CLDN10: variants seen among roughly 807,000 people sequenced by gnomAD.
CLDN10 encodes the protein claudin-10.
A neutral mutation model predicts 22.9 loss-of-function variants in CLDN10; 15 were observed. That is an observed-to-expected ratio of 0.65 (90% CI 0.44 to 1.01). The LOEUF (loss-of-function observed/expected upper bound fraction) is 1.01, where lower values mean the gene tolerates loss of function less well. Among genes scored for constraint, CLDN10 ranks in the 50% least tolerant of loss-of-function variants. The pLI, the probability that CLDN10 is intolerant of heterozygous loss-of-function variation, is 0.00. For missense variants in CLDN10, 247 were observed against 287.8 expected (o/e 0.86, Z 1.03); for synonymous variants, 114 against 111.4 (o/e 1.02, Z -0.15).
rs1367769895 is a variant in CLDN10 at position 95,579,490 on chromosome 13, A to C, written c.*1476A>C. ...GAAATGAAAACAGAGAGCTTAAATAATTTGCCACAGTAATGTCGAAACTAG... is the reference window on the plus strand; with the variant it reads ...GAAATGAAAACAGAGAGCTTAAATACTTTGCCACAGTAATGTCGAAACTAG... On this transcript the variant is annotated 3_prime_UTR_variant, in exon 5 of 5. Transcript: ENST00000299339. The C allele has an allele frequency of 3.3e-5, 5 of 152,254 alleles. No individual in the cohort carries two copies. Among genetic ancestry groups the C allele is most frequent in the Non-Finnish European group, 7.3e-5 (5 of 68,048 alleles). 9.4% of individuals were successfully genotyped at this position (152,254 alleles called of 1,614,324 possible).
chr13:95,552,647 G>GGACGGTGGGCGGA (rs1239741598), upstream of CLDN10: 7 of 1,344,130 alleles, frequency 5.2e-6, no homozygotes, highest in African/African-American at 4.6e-5. Context: ...TGGTGGGCGG[G>GGACGGTGGGCGGA]GACGGTGGGC....
At position 95,560,280 on chromosome 13, in the gene CLDN10, A is replaced by T; in HGVS notation, c.369A>T (p.Val123=). 6.2e-7 allele frequency: 1 copy of T among 1,614,172 alleles called. No individual in the cohort carries two copies. The highest frequency in any genetic ancestry group is 1.3e-5 in the African/African-American group (1 of 75,058). ...AAATTGCTTGTTTGGCTGGGATTGTATTCATACTGTCAGGTAAATAGTAAC... is the reference window on the plus strand; with the variant it reads ...AAATTGCTTGTTTGGCTGGGATTGTTTTCATACTGTCAGGTAAATAGTAAC... ...KAKIACLAGI[V]FILSGLCSMT... Residue 123 remains valine (V), a synonymous_variant, in exon 2 of 5, where the codon GTA becomes GTT. Coordinates refer to ENST00000299339, the MANE Select transcript of CLDN10 (RefSeq NM_006984.5).
intron 1 of CLDN10, among the ~76,000 whole-genome samples, chr13:95,528,157 A>G (rs1426316783): frequency 6.6e-6 from 1 of 152,192 alleles, no homozygotes; most frequent in East Asian, 1.9e-4. Flanking sequence ...CTCATCTTGA[A>G]TTTTGGCTCC....
intron 1 of CLDN10, among the ~76,000 whole-genome samples, chr13:95,466,717 G>T (rs1009317868): frequency 6.6e-6 from 1 of 151,636 alleles, no homozygotes; most frequent in African/African-American, 2.4e-5. Context: ...TTAACGTCAA[G>T]GTAGGCAAAA....
chr13:95,575,104 A>G (rs960689967), intron 3 of CLDN10, among the ~76,000 whole-genome samples: 3 of 152,164 alleles, frequency 2.0e-5, no homozygotes, highest in African/African-American at 7.2e-5. Flanking sequence ...GAAGCTCAAT[A>G]TTTTCAGAAA....
intron 1 of CLDN10, among the ~76,000 whole-genome samples, chr13:95,476,242 G>A (rs1282603633): frequency 2.0e-5 from 3 of 152,188 alleles, no homozygotes; most frequent in Admixed American, 6.5e-5. Flanking sequence ...AGTCTGTTCA[G>A]GCTGCTATAA....
At chr13:95,533,023 T>G (rs753458404) in intron 1 of CLDN10, among the ~76,000 whole-genome samples, 1 of 151,926 alleles carries the variant, frequency 6.6e-6, no homozygotes, top group Non-Finnish European at 1.5e-5. Context: ...AGAAAGATAG[T>G]GTTTGTTTCA....
intron 1 of CLDN10, among the ~76,000 whole-genome samples, chr13:95,538,445 T>C (rs1303309234): frequency 6.6e-6 from 1 of 152,092 alleles, no homozygotes; most frequent in African/African-American, 2.4e-5. Context: ...GCCAACAAAC[T>C]GTTTCTATGA....
chr13:95,517,432 A>G (rs7336934), intron 1 of CLDN10, among the ~76,000 whole-genome samples: 131,382 of 152,146 alleles, frequency 0.86, 56,921 homozygotes, highest in East Asian at 0.96. Context: ...TGTTTGAATT[A>G]AATATTAAAA....
chr13:95,502,955 G>C (rs542666466), intron 1 of CLDN10, among the ~76,000 whole-genome samples: 1 of 152,328 alleles, frequency 6.6e-6, no homozygotes, highest in Admixed American at 6.5e-5. Context: ...ATGGATGAAT[G>C]AAAGGGATAG....
intron 1 of CLDN10, among the ~76,000 whole-genome samples, chr13:95,449,976 C>T (rs2042418516): frequency 6.6e-6 from 1 of 151,816 alleles, no homozygotes; most frequent in Non-Finnish European, 1.5e-5. Context: ...ATCCCCTGAC[C>T]TTGTGATCCG....
chr13:95,570,675 G>T (rs1365712137), intron 3 of CLDN10, among the ~76,000 whole-genome samples: 1 of 151,770 alleles, frequency 6.6e-6, no homozygotes, highest in Admixed American at 6.6e-5. Context: ...GATTGCAGTT[G>T]TCTTGACTGG....
chr13:95,545,537 C>G (rs937637626), intron 1 of CLDN10, among the ~76,000 whole-genome samples: 1 of 152,012 alleles, frequency 6.6e-6, no homozygotes, highest in Non-Finnish European at 1.5e-5. Flanking sequence ...AACTCCATCT[C>G]AAAACATAAA....
At chr13:95,443,322 T>C (rs898107922) in intron 1 of CLDN10, among the ~76,000 whole-genome samples, 3 of 152,230 alleles carry the variant, frequency 2.0e-5, no homozygotes, top group African/African-American at 7.2e-5. Flanking sequence ...AGTTACATGC[T>C]TCAAAAGCTG....
chr13:95,498,943 C>A (rs1449260450), intron 1 of CLDN10, among the ~76,000 whole-genome samples: 3 of 152,230 alleles, frequency 2.0e-5, no homozygotes, highest in African/African-American at 7.2e-5. Context: ...AATTTGATGA[C>A]TCTTGATACC....
chr13:95,516,342 C>G (rs538152722), intron 1 of CLDN10, among the ~76,000 whole-genome samples: 2 of 152,076 alleles, frequency 1.3e-5, no homozygotes, highest in East Asian at 1.9e-4. Flanking sequence ...AAGTCCAACT[C>G]TTTGAGAATT....
At chr13:95,444,907 G>T (rs533118036) in intron 1 of CLDN10, among the ~76,000 whole-genome samples, 16 of 152,258 alleles carry the variant, frequency 1.1e-4, no homozygotes, top group Admixed American at 2.6e-4. Context: ...TGATTCTCGT[G>T]CCTCAGCACA....
At chr13:95,543,261 T>A (rs1261191529) in intron 1 of CLDN10, among the ~76,000 whole-genome samples, 1 of 152,104 alleles carries the variant, frequency 6.6e-6, no homozygotes, top group Admixed American at 6.5e-5. Context: ...TCCACCCTTT[T>A]GAGAAGTCTT....
rs145433121 is a variant in CLDN10, at chr13:95,439,348, A to ATT, written c.214+5302_214+5303dup. On this transcript the variant is annotated intron_variant, in intron 1 of 4. Transcript: ENST00000376873. The stretch of plus-strand genomic sequence containing the variant: ...TCTGAGGCCTCTTTTTTATGTTATT[A>ATT]TTATTTTTTTTTTTGAGACTGAGTC... Among the ~76,000 whole-genome samples the ATT allele has an allele frequency of 1.1e-3, 166 of 148,706 alleles. 1 individual carries two copies. The highest frequency in any genetic ancestry group is 8.0e-3 in the East Asian group (41 of 5,096).
Sources: allele counts gnomAD v4.1 joint callset (sites outside exome capture counted in the v4.1 genomes callset), GRCh38; gene constraint gnomAD v4.1.1; transcripts MANE v1.5; gene names NCBI Gene and HGNC (gene_info 2026-07-23, HGNC 2026-07-21).